ARHGEF18: variants seen among roughly 807,000 people sequenced by gnomAD.
The protein encoded by ARHGEF18 is rho guanine nucleotide exchange factor 18.
A neutral mutation model predicts 155.7 loss-of-function variants in ARHGEF18; 93 were observed. That is an observed-to-expected ratio of 0.60 (90% confidence interval 0.50 to 0.71). The LOEUF is 0.71. ARHGEF18 is among the 30% of genes least tolerant of loss of function. The pLI is 0.00. For synonymous variants in ARHGEF18, 742 were observed against 753.1 expected (o/e 0.99, Z 0.24); for missense variants, 1,593 against 1,816.1 (o/e 0.88, Z 2.23).
At chr19:7,381,535 G>A (rs1380786912) in intron 8 of ARHGEF18, among the ~76,000 whole-genome samples, 4 of 151,942 alleles carry the variant, frequency 2.6e-5, no homozygotes, top group South Asian at 2.1e-4. Context: ...AAAATTAGCC[G>A]GATGTGGTGG....
intron 5 of ARHGEF18, 52 bp downstream of exon 5, chr19:7,376,809 C>A: frequency 8.6e-7 from 1 of 1,168,808 alleles, no homozygotes; most frequent in African/African-American, 1.6e-5. Flanking sequence ...GAAAGAGGAG[C>A]CTGGCCAACA....
At chr19:7,450,660 G>GTT (rs1568347784) in intron 15 of ARHGEF18, among the ~76,000 whole-genome samples, 1 of 124 alleles carries the variant, frequency 8.1e-3, no homozygotes, top group African/African-American at 0.033. Flanking sequence ...GGATCTTGCT[G>GTT]TCCATTTCCG....
chr19:7,409,935 G>A lies in ARHGEF18; in HGVS notation c.967+26732G>A, dbSNP rs571879153. Among the ~76,000 whole-genome samples the A allele has an allele frequency of 1.0e-4, 14 of 138,888 alleles. No homozygotes were observed. The South Asian group carries it at 1.7e-3, about 17-fold the overall frequency. 91.1% of individuals were successfully genotyped at this position (138,888 alleles called of 152,430 possible). A position where few individuals can be genotyped will look rare whatever the true frequency, so the allele number is the denominator to read the frequency against. ...ATTACAGGTGCCTGCCACCACACCC[G>A]GCTAATTTTTTTTGTATTTTTTTTT... is the stretch of plus-strand genomic sequence containing the variant. On this transcript the variant is annotated intron_variant, in intron 10 of 28. Coordinates refer to ENST00000668164, the MANE Select transcript of ARHGEF18 (RefSeq NM_001367823.1).
At chr19:7,353,794 A>G (rs950869980) in intron 1 of ARHGEF18, among the ~76,000 whole-genome samples, 12 of 151,300 alleles carry the variant, frequency 7.9e-5, no homozygotes, top group African/African-American at 1.9e-4. Context: ...CTCTACTACA[A>G]ATACAAAAAT....
intron 19 of ARHGEF18, among the ~76,000 whole-genome samples, chr19:7,459,238 T>C (rs963934473): frequency 3.3e-5 from 5 of 151,970 alleles, no homozygotes; most frequent in Non-Finnish European, 7.4e-5. Context: ...TTTTGTTTTT[T>C]AGAGTCTGGC....
intron 1 of ARHGEF18, among the ~76,000 whole-genome samples, chr19:7,358,236 T>TCCATCCATCCATCCAC (rs1568261540): frequency 7.7e-6 from 1 of 130,644 alleles, no homozygotes; most frequent in Non-Finnish European, 1.5e-5. Context: ...CATCCATCCA[T>TCCATCCATCCATCCAC]CCATCCACCC....
intron 15 of ARHGEF18, among the ~76,000 whole-genome samples, chr19:7,450,676 T>C: frequency 2.6e-5 from 4 of 152,308 alleles, no homozygotes; most frequent in Non-Finnish European, 4.4e-5. Flanking sequence ...TTCCGAGATG[T>C]TAATGCGGGA....
Position 7,357,134 on chromosome 19 carries a change from G to A in ARHGEF18, c.-110-5647G>A, listed in dbSNP as rs563950904. Among the ~76,000 whole-genome samples the A allele has an allele frequency of 5.9e-5, 9 of 152,356 alleles. No homozygotes were observed. In the South Asian group the frequency reaches 1.9e-3, roughly 32 times the overall value. ...GGTCACACAGCAAGTATATGCTGGA[G>A]GAACCGGGATTTGAAGCCGATTCTG... On this transcript the variant is annotated intron_variant, in intron 1 of 28. Transcript: ENST00000668164.
In ARHGEF18 at chr19:7,467,395, G is replaced by C; in HGVS notation, c.3191G>C (p.Arg1064Pro). 6.5e-7 allele frequency: 1 copy of C among 1,533,008 alleles called. No homozygotes were observed. The highest frequency in any genetic ancestry group is 1.2e-5 in the South Asian group (1 of 83,920). 95.0% of individuals were successfully genotyped at this position (1,533,008 alleles called of 1,614,324 possible). A position where few individuals can be genotyped will look rare whatever the true frequency, so the allele number is the denominator to read the frequency against. ...CTGGAGAAGCTGCAGAGCCAGCTGCGGCACGAGCAGCAGCGCTGGGAGCGC... is the reference window on the plus strand; with the variant it reads ...CTGGAGAAGCTGCAGAGCCAGCTGCCGCACGAGCAGCAGCGCTGGGAGCGC... ...AALEKLQSQL[R>P]HEQQRWERER... Residue 1064 changes from arginine to proline, a missense_variant, in exon 26 of 29, where the codon CGG becomes CCG. Transcript: ENST00000668164.
chr19:7,477,341 A>ACGGCGTTGGCCAGGT, downstream of ARHGEF18: 1 of 1,560,208 alleles, frequency 6.4e-7, no homozygotes, highest in Non-Finnish European at 8.7e-7. Flanking sequence ...CAGCCAGTGC[A>ACGGCGTTGGCCAGGT]CGGCGTTGGC....
chr19:7,465,431 C>T (rs1184599038), intron 23 of ARHGEF18, among the ~76,000 whole-genome samples: 3 of 134,106 alleles, frequency 2.2e-5, no homozygotes, highest in African/African-American at 8.6e-5. Flanking sequence ...TTTTTGGAGA[C>T]AAGGTCTCAC....
Position 7,428,740 on chromosome 19 carries a change from A to G in ARHGEF18, c.968-11604A>G, listed in dbSNP as rs544889058. ...AAGTGAAATGGCCAAGAAAGAGATT[A>G]CCCTGGGCCCCTGCAGGTCGAACCT... is the stretch of plus-strand genomic sequence containing the variant. On this transcript the variant is annotated intron_variant, in intron 10 of 28. Transcript: ENST00000668164. Among the ~76,000 whole-genome samples, 13 of 152,038 alleles carry G rather than the reference A, an allele frequency of 8.6e-5. No homozygotes were observed. The South Asian group carries it at 1.7e-3, about 19-fold the overall frequency.
At chr19:7,353,161 C>T (rs1426733413) in intron 1 of ARHGEF18, among the ~76,000 whole-genome samples, 3 of 151,660 alleles carry the variant, frequency 2.0e-5, no homozygotes, top group Non-Finnish European at 4.4e-5. Flanking sequence ...TTTCCAGGGC[C>T]GTGATTCTTC....
In ARHGEF18 at chr19:7,467,503, A is replaced by G; in HGVS notation, c.3299A>G (p.Glu1100Gly). The G allele has an allele frequency of 1.4e-6, 2 of 1,431,532 alleles. No individual in the cohort carries two copies. The allele number at this position is 1,431,532 out of a possible 1,614,324, so 88.7% of individuals were successfully genotyped here. ...GAGGGCGAGGCGCGGCAGCTACGCG[A>G]GCGGCTGGAGCAGGAGCGGGCCGAG... ...EREGEARQLR[E>G]RLEQERAELE... is the part of the protein sequence containing the mutation. Residue 1100 changes from glutamate (E) to glycine (G), a missense_variant, in exon 26 of 29, where the codon GAG becomes GGG. Transcript: ENST00000668164.
At position 7,462,465 on chromosome 19, in the gene ARHGEF18, G is replaced by A. The variant is rs563168257; in HGVS notation, c.2635+131G>A. 3.3e-5 allele frequency: 38 copies of A among 1,146,230 alleles called. No homozygotes were observed. The South Asian group carries it at 3.6e-4, about 11-fold the overall frequency. The allele number at this position is 1,146,230 out of a possible 1,614,324, so 71.0% of individuals were successfully genotyped here. Reference sequence around the variant, plus strand: ...CCAGGACAGGCTTCTATGTGGGGGGGGCCCAGGAGCAGCACTGACCGCCCC... The same window carrying A: ...CCAGGACAGGCTTCTATGTGGGGGGAGCCCAGGAGCAGCACTGACCGCCCC... On this transcript the variant is annotated intron_variant, in intron 21 of 28. Coordinates refer to ENST00000668164, the MANE Select transcript of ARHGEF18 (RefSeq NM_001367823.1). The surrounding 1 kb of genome is among the most constrained non-coding windows in gnomAD (Gnocchi z 4.4).
In ARHGEF18 at chr19:7,395,094, T is replaced by G. The variant is rs375197966; in HGVS notation, c.967+11891T>G. On this transcript the variant is annotated intron_variant, in intron 10 of 28. Transcript: ENST00000668164. This position sits in a 1 kb window ranked among gnomAD's most constrained non-coding sequence, Gnocchi z 5.0. Reference sequence around the variant, plus strand: ...CCTCTGCCCCGCCTCCGAGGCGGGATCGCGCATGCGCTGCTCTCCTCGCGC... The same window carrying G: ...CCTCTGCCCCGCCTCCGAGGCGGGAGCGCGCATGCGCTGCTCTCCTCGCGC... 7.1e-6 allele frequency: 7 copies of G among 985,442 alleles called. No individual in the cohort carries two copies. The East Asian group carries it at 4.5e-4, about 64-fold the overall frequency. 61.0% of individuals were successfully genotyped at this position (985,442 alleles called of 1,614,324 possible). A position where few individuals can be genotyped will look rare whatever the true frequency, so the allele number is the denominator to read the frequency against.
chr19:7,367,355 G>A (rs10417041), intron 2 of ARHGEF18, among the ~76,000 whole-genome samples: 7,104 of 152,192 alleles, frequency 0.047, 556 homozygotes, highest in African/African-American at 0.16. Context: ...TGTAATTCCA[G>A]CACTTTGGGA....
intron 10 of ARHGEF18, among the ~76,000 whole-genome samples, chr19:7,389,317 ATTTTTT>A (rs1203819709): frequency 1.8e-5 from 2 of 112,980 alleles, no homozygotes; most frequent in African/African-American, 3.6e-5. Flanking sequence ...TACCAGGATA[ATTTTTT>A]TTTTTTTTTT....
chr19:7,407,983 A>AAAACAAAAAAAAAAAC (rs1972439252), intron 10 of ARHGEF18, among the ~76,000 whole-genome samples: 1 of 141,870 alleles, frequency 7.0e-6, no homozygotes, highest in African/African-American at 3.1e-5. Context: ...AAAAAAAAAA[A>AAAACAAAAAAAAAAAC]AAAAGAGGTA....
Sources: allele counts gnomAD v4.1 joint callset (sites outside exome capture counted in the v4.1 genomes callset), GRCh38; gene constraint gnomAD v4.1.1; non-coding constraint Gnocchi (gnomAD v3.1); transcripts MANE v1.5; gene names NCBI Gene and HGNC (gene_info 2026-07-23, HGNC 2026-07-21).